Variants in CEP85L observed in about 807,000 individuals in gnomAD.
The protein encoded by CEP85L is centrosomal protein 85L.
Under a neutral mutation model 100.3 loss-of-function variants are expected in CEP85L, and 60 were observed. The ratio of observed to expected loss-of-function variants is 0.60; its 90% CI spans 0.49 to 0.74. The LOEUF (loss-of-function observed/expected upper bound fraction) is 0.74, where lower values mean the gene tolerates loss of function less well. CEP85L is among the 30% of genes least tolerant of loss of function. The pLI is 0.00. For missense variants in CEP85L, 973 were observed against 936.2 expected (o/e 1.04, Z -0.51); for synonymous variants, 319 against 322.7 (o/e 0.99, Z 0.12).
intron 6 of CEP85L, among the ~76,000 whole-genome samples, chr6:118,490,229 G>A (rs1453994599): frequency 6.6e-6 from 1 of 152,110 alleles, no homozygotes; most frequent in South Asian, 2.1e-4. Flanking sequence ...TGCATACAAA[G>A]TTTCAATTAC....
chr6:118,659,647 TAGAG>T (rs950762155), intron 1 of CEP85L, among the ~76,000 whole-genome samples: 57 of 152,316 alleles, frequency 3.7e-4, no homozygotes, highest in Middle Eastern at 6.8e-3. Flanking sequence ...TCGGGGAGAA[TAGAG>T]AGAAAAGGCA....
At chr6:118,501,443 A>G in intron 5 of CEP85L, 1 of 387,762 alleles carries the variant, frequency 2.6e-6, no homozygotes, top group Admixed American at 3.5e-5. Context: ...GAATCAACTG[A>G]TGAGACAGCT....
At chr6:118,490,768 G>C (rs758978784) in intron 6 of CEP85L, among the ~76,000 whole-genome samples, 3 of 152,096 alleles carry the variant, frequency 2.0e-5, no homozygotes, top group Non-Finnish European at 2.9e-5. Flanking sequence ...GCAATAGATA[G>C]AAACTGATAC....
At chr6:118,586,895 G>A (rs908130712) in intron 2 of CEP85L, among the ~76,000 whole-genome samples, 1 of 152,174 alleles carries the variant, frequency 6.6e-6, no homozygotes, top group Admixed American at 6.5e-5. Flanking sequence ...AGGGTGGAAT[G>A]TCAGAGAGAG....
intron 3 of CEP85L, among the ~76,000 whole-genome samples, chr6:118,558,648 C>CAG (rs1407950940): frequency 1.5e-5 from 2 of 137,156 alleles, no homozygotes; most frequent in African/African-American, 6.5e-5. Flanking sequence ...CACACACACA[C>CAG]ACACACACAC....
chr6:118,573,352 T>C (rs1271729089), intron 2 of CEP85L, among the ~76,000 whole-genome samples: 2 of 152,304 alleles, frequency 1.3e-5, no homozygotes, highest in East Asian at 1.9e-4. Context: ...TCTTTCCAGA[T>C]AGAAAAATAT....
rs1374692321 is a variant in CEP85L, at chr6:118,481,095, C to G, written c.1746-582G>C. Among the ~76,000 whole-genome samples, 6 of 151,664 alleles carry G rather than the reference C, an allele frequency of 4.0e-5. No individual in the cohort carries two copies. In the East Asian group the frequency reaches 1.2e-3, roughly 29 times the overall value. Reference sequence around the variant, plus strand: ...CACGAGGCAAGAGAAGTAAGTAAATCTGGAAGATACATGGCAAAACTGCTG... The same window carrying G: ...CACGAGGCAAGAGAAGTAAGTAAATGTGGAAGATACATGGCAAAACTGCTG... On this transcript the variant is annotated intron_variant, in intron 8 of 12. Coordinates refer to ENST00000368491, the MANE Select transcript of CEP85L (RefSeq NM_001042475.3).
chr6:118,567,611 T>G (rs761279580), intron 2 of CEP85L, among the ~76,000 whole-genome samples: 3 of 152,174 alleles, frequency 2.0e-5, no homozygotes, highest in Non-Finnish European at 4.4e-5. Context: ...TAAATTGGTG[T>G]GTGGGGAGGA....
intron 3 of CEP85L, among the ~76,000 whole-genome samples, chr6:118,553,520 C>G (rs1199140876): frequency 2.0e-5 from 3 of 152,110 alleles, no homozygotes; most frequent in African/African-American, 4.8e-5. Context: ...AAATGTATAT[C>G]ATTAACATTT....
chr6:118,684,207 T>A (rs1776757167), intron 1 of CEP85L, among the ~76,000 whole-genome samples: 1 of 152,172 alleles, frequency 6.6e-6, no homozygotes, highest in Admixed American at 6.5e-5. Flanking sequence ...CTAGGTTACA[T>A]TAGAAAACAC....
intron 4 of CEP85L, among the ~76,000 whole-genome samples, chr6:118,512,377 A>G (rs1170318066): frequency 6.6e-6 from 1 of 152,152 alleles, no homozygotes; most frequent in Admixed American, 6.6e-5. Flanking sequence ...CAAAAAAAAT[A>G]TTACAGGGAA....
chr6:118,701,167 G>A (rs954254713), intron 1 of CEP85L, among the ~76,000 whole-genome samples: 62 of 152,172 alleles, frequency 4.1e-4, no homozygotes, highest in African/African-American at 1.3e-3. Flanking sequence ...GGGTTCCTGC[G>A]CTTATACACT....
intron 6 of CEP85L, among the ~76,000 whole-genome samples, chr6:118,487,896 C>T (rs1443751335): frequency 6.6e-6 from 1 of 152,148 alleles, no homozygotes; most frequent in South Asian, 2.1e-4. Flanking sequence ...GGACAGAACA[C>T]CCAACAATCT....
chr6:118,480,476 T>C lies in CEP85L; in HGVS notation c.1783A>G (p.Ile595Val). 6.2e-7 allele frequency: 1 copy of C among 1,611,538 alleles called. No homozygotes were observed. The highest frequency in any genetic ancestry group is 8.5e-7 in the Non-Finnish European group (1 of 1,178,456). ...TTTGCATCTAACATGGGAAGGCGGA[T>C]TCCATCTTCAAGGCATCTTTCTACT... ...QKVERCLEDG[I>V]RLPMLDAKQL... The change falls in exon 9 of 13, where the codon ATC (isoleucine) becomes GTC (valine). Residue 595 changes from isoleucine (I) to valine (V), a missense_variant. This residue lies in a region of CEP85L where 890 missense variants were observed against 844.5 expected (regional missense o/e 1.05). Coordinates refer to ENST00000368491, the MANE Select transcript of CEP85L (RefSeq NM_001042475.3).
At chr6:118,491,512 T>C in intron 6 of CEP85L, 174 bp downstream of exon 6, 1 of 1,363,394 alleles carries the variant, frequency 7.3e-7, no homozygotes, top group Non-Finnish European at 9.4e-7. Flanking sequence ...TCAAAGAAAA[T>C]CCTTGGATTT....
intron 10 of CEP85L, 83 bp from the exon 11 acceptor site, chr6:118,470,727 C>T (rs775204237): frequency 7.3e-6 from 5 of 680,636 alleles, no homozygotes; most frequent in East Asian, 2.9e-5. Flanking sequence ...GGAATGTTGG[C>T]TCTGAATACT....
At chr6:118,613,426 C>T (rs780388225) in intron 2 of CEP85L, among the ~76,000 whole-genome samples, 1 of 152,090 alleles carries the variant, frequency 6.6e-6, no homozygotes, top group Non-Finnish European at 1.5e-5. Flanking sequence ...TTAAGGAAAT[C>T]GAATTCATAA....
chr6:118,558,989 A>C, intron 3 of CEP85L: 1 of 1,611,566 alleles, frequency 6.2e-7, no homozygotes, highest in Non-Finnish European at 8.5e-7. Flanking sequence ...ATGCCTCAAC[A>C]AGCACGTCAA....
At chr6:118,709,556 T>TGTGTGTGTGA (rs751698371) in intron 1 of CEP85L, among the ~76,000 whole-genome samples, 2 of 142,322 alleles carry the variant, frequency 1.4e-5, no homozygotes, top group Admixed American at 7.0e-5. Flanking sequence ...TGTGTGTGTG[T>TGTGTGTGTGA]GAGAGAGAGA....
Sources: allele counts gnomAD v4.1 joint callset (sites outside exome capture counted in the v4.1 genomes callset), GRCh38; gene constraint gnomAD v4.1.1; regional missense constraint gnomAD v4.1.1; transcripts MANE v1.5; gene names NCBI Gene and HGNC (gene_info 2026-07-23, HGNC 2026-07-21).